ADGRG6: variants seen among roughly 807,000 people sequenced by gnomAD.
The protein encoded by ADGRG6 is G-protein coupled receptor 126.
Under a neutral mutation model 142.4 loss-of-function variants are expected in ADGRG6, and 84 were observed. The observed-to-expected ratio is 0.59, with a 90% CI of 0.49 to 0.71. The LOEUF is 0.71. Among genes scored for constraint, ADGRG6 ranks in the 30% least tolerant of loss-of-function variants. The pLI is 0.00. For missense variants in ADGRG6, 1,367 were observed against 1,466.6 expected, an observed-to-expected ratio of 0.93 and a Z score of 1.11; for synonymous variants, 521 against 520.5, an observed-to-expected ratio of 1.00 and a Z score of -0.01.
intron 5 of ADGRG6, among the ~76,000 whole-genome samples, chr6:142,383,263 C>CT (rs906190625): frequency 1.3e-5 from 2 of 152,034 alleles, no homozygotes; most frequent in Non-Finnish European, 2.9e-5. Flanking sequence ...TTTCATTTGT[C>CT]TTTTTCTTTA....
chr6:142,412,477 G>A (rs1776137070), intron 18 of ADGRG6, among the ~76,000 whole-genome samples: 1 of 152,168 alleles, frequency 6.6e-6, no homozygotes, highest in South Asian at 2.1e-4. Context: ...AATCTACTCA[G>A]CCTATGTAAA....
At chr6:142,310,599 C>T (rs984619803) in intron 2 of ADGRG6, among the ~76,000 whole-genome samples, 6 of 151,648 alleles carry the variant, frequency 4.0e-5, no homozygotes, top group Admixed American at 6.6e-5. Context: ...TGCTTATTCA[C>T]GCATCAAGAA....
intron 10 of ADGRG6, 105 bp from the exon 11 acceptor site, chr6:142,400,380 A>G (rs1775448161): frequency 1.6e-6 from 1 of 626,060 alleles, no homozygotes; most frequent in Non-Finnish European, 2.9e-6. Flanking sequence ...CATTAAAGAA[A>G]TACCTAATTA....
intron 11 of ADGRG6, among the ~76,000 whole-genome samples, 198 bp from the exon 12 acceptor site, chr6:142,401,796 A>C (rs567718150): frequency 6.6e-5 from 10 of 152,134 alleles, no homozygotes; most frequent in African/African-American, 2.2e-4. Flanking sequence ...GGCTAGAGAG[A>C]TAGAACGTAG....
At chr6:142,382,601 T>C (rs191410218) in intron 5 of ADGRG6, among the ~76,000 whole-genome samples, 86 of 152,336 alleles carry the variant, frequency 5.6e-4, no homozygotes, top group Admixed American at 9.2e-4. Flanking sequence ...TGCTAAATAA[T>C]ACATAATTAA....
chr6:142,341,023 AT>A (rs887712485), intron 2 of ADGRG6, among the ~76,000 whole-genome samples: 14 of 151,894 alleles, frequency 9.2e-5, no homozygotes, highest in African/African-American at 2.9e-4. Flanking sequence ...AGATGTCTTA[AT>A]TTTTTTTAAT....
chr6:142,379,980 A>G (rs1781685167), intron 4 of ADGRG6, among the ~76,000 whole-genome samples: 1 of 152,176 alleles, frequency 6.6e-6, no homozygotes. Flanking sequence ...AATACATGTA[A>G]GATTTACATT....
At chr6:142,425,013 A>G (rs1159961655) in intron 22 of ADGRG6, among the ~76,000 whole-genome samples, 1 of 152,180 alleles carries the variant, frequency 6.6e-6, no homozygotes, top group African/African-American at 2.4e-5. Context: ...ATAGTTGATG[A>G]TTACAGTGTA....
At chr6:142,318,794 T>C (rs778934446) in intron 2 of ADGRG6, among the ~76,000 whole-genome samples, 1 of 151,942 alleles carries the variant, frequency 6.6e-6, no homozygotes, top group Non-Finnish European at 1.5e-5. Flanking sequence ...ATATTTCTCA[T>C]TACTAGAATA....
chr6:142,435,790 A>G (rs1245610060), intron 22 of ADGRG6, among the ~76,000 whole-genome samples: 1 of 152,208 alleles, frequency 6.6e-6, no homozygotes, highest in Non-Finnish European at 1.5e-5. Flanking sequence ...GCTGTGAAAA[A>G]AAGATGTGAA....
At chr6:142,306,693 GT>G (rs1000100843) in intron 1 of ADGRG6, among the ~76,000 whole-genome samples, 2 of 151,772 alleles carry the variant, frequency 1.3e-5, no homozygotes, top group African/African-American at 4.8e-5. Context: ...GTGTGTGTGT[GT>G]TTTTTTTCCT....
intron 2 of ADGRG6, among the ~76,000 whole-genome samples, chr6:142,330,577 C>T (rs1779005976): frequency 1.3e-5 from 2 of 152,120 alleles, no homozygotes; most frequent in Admixed American, 6.6e-5. Flanking sequence ...GTTCTCTGTT[C>T]AGAATCAAGA....
intron 24 of ADGRG6, among the ~76,000 whole-genome samples, chr6:142,442,330 A>G (rs1344939797): frequency 6.6e-6 from 1 of 152,150 alleles, no homozygotes; most frequent in African/African-American, 2.4e-5. Context: ...TTGAGGGTAG[A>G]ATTTTTTCCT....
At chr6:142,428,761 C>T (rs1004206706) in intron 22 of ADGRG6, among the ~76,000 whole-genome samples, 3 of 152,164 alleles carry the variant, frequency 2.0e-5, no homozygotes, top group Non-Finnish European at 4.4e-5. Context: ...CCAGTCACCT[C>T]CCATCAGTTC....
chr6:142,409,854 T>G lies in ADGRG6; in HGVS notation c.2389-20T>G. 8.0e-7 allele frequency: 1 copy of G among 1,255,418 alleles called. No individual in the cohort carries two copies. The highest frequency in any genetic ancestry group is 1.1e-6 in the Non-Finnish European group (1 of 886,632). The allele number at this position is 1,255,418 out of a possible 1,614,324, so 77.8% of individuals were successfully genotyped here. ...GCATTTTAAACACAATTTCACATGT[T>G]TATTCTTATGTTAATATAGGAAGTG... is the stretch of plus-strand genomic sequence containing the variant. On this transcript the variant is annotated intron_variant, in intron 16 of 24. Transcript: ENST00000367609.
intron 14 of ADGRG6, among the ~76,000 whole-genome samples, chr6:142,405,149 A>G (rs1186530687): frequency 2.0e-5 from 3 of 152,166 alleles, no homozygotes; most frequent in African/African-American, 4.8e-5. Flanking sequence ...TCTTTTTCAC[A>G]TTTTAAGAGT....
intron 2 of ADGRG6, among the ~76,000 whole-genome samples, chr6:142,349,677 A>G (rs1780068432): frequency 6.6e-6 from 1 of 152,214 alleles, no homozygotes; most frequent in South Asian, 2.1e-4. Flanking sequence ...TGGCTATTGC[A>G]TAAGTCACTC....
intron 2 of ADGRG6, among the ~76,000 whole-genome samples, chr6:142,330,476 A>G (rs1225007696): frequency 6.6e-6 from 1 of 152,208 alleles, no homozygotes; most frequent in African/African-American, 2.4e-5. Context: ...CCATTCATTA[A>G]TCATGAAAAC....
intron 2 of ADGRG6, among the ~76,000 whole-genome samples, chr6:142,332,190 A>T (rs146598395): frequency 6.6e-6 from 1 of 152,134 alleles, no homozygotes; most frequent in East Asian, 1.9e-4. Flanking sequence ...ATAACTATAC[A>T]TATGTAGTAT....
Sources: gnomAD v4.1 joint callset for allele counts (sites outside exome capture counted in the v4.1 genomes callset) on GRCh38, gnomAD v4.1.1 for gene constraint, MANE v1.5 for transcripts, NCBI Gene and HGNC (gene_info 2026-07-23, HGNC 2026-07-21) for gene names.